ZBTB7C: variants seen among roughly 807,000 people sequenced by gnomAD.
ZBTB7C encodes the protein zinc finger and BTB domain-containing protein 7C.
ZBTB7C carries 8 observed loss-of-function variants against 25.7 expected under a neutral mutation model. The ratio of observed to expected loss-of-function variants is 0.31; its 90% CI spans 0.18 to 0.56. The LOEUF (loss-of-function observed/expected upper bound fraction) is 0.56, where lower values mean the gene tolerates loss of function less well. ZBTB7C is among the 20% of genes least tolerant of loss of function. The probability of loss-of-function intolerance (pLI) is 0.91; values close to 1 mark genes in which losing one functional copy is unlikely to be tolerated. For missense variants in ZBTB7C, 824 were observed against 855.2 expected (o/e 0.96, Z 0.46); for synonymous variants, 394 against 369.0 (o/e 1.07, Z -0.78).
At chr18:48,380,806 CCATACTAATATAAGAT>C (rs2145206246) in intron 1 of ZBTB7C, among the ~76,000 whole-genome samples, 1 of 152,228 alleles carries the variant, frequency 6.6e-6, no homozygotes, top group Admixed American at 6.5e-5. Context: ...GACCGATGTA[CCATACTAATATAAGAT>C]ATTAAGAATA....
chr18:48,401,003 T>A (rs998369373), intron 1 of ZBTB7C, among the ~76,000 whole-genome samples: 1 of 152,120 alleles, frequency 6.6e-6, no homozygotes, highest in Non-Finnish European at 1.5e-5. Flanking sequence ...AGCAGTGACA[T>A]CTGGATTCAG....
intron 1 of ZBTB7C, among the ~76,000 whole-genome samples, chr18:48,349,431 G>C (rs974420922): frequency 3.3e-5 from 5 of 152,162 alleles, no homozygotes; most frequent in African/African-American, 4.8e-5. Context: ...GTTTTAGGGA[G>C]TCCCTATAAT....
In ZBTB7C at chr18:48,133,388, T is replaced by C. The variant is rs371993728; in HGVS notation, c.-17+52546A>G. 4.6e-5 allele frequency among the ~76,000 whole-genome samples: 7 copies of C among 152,352 alleles called. No homozygotes were observed. In the East Asian group the frequency reaches 9.6e-4, roughly 21 times the overall value. On this transcript the variant is annotated intron_variant, in intron 3 of 4. Coordinates refer to ENST00000590800, the MANE Select transcript of ZBTB7C (RefSeq NM_001318841.2). ...GACAGAAGAGAGCAAGCATTTCTAT[T>C]TATCTAAACACAGGATCAAGATGTA...
chr18:48,333,776 G>A (rs759379252), intron 2 of ZBTB7C, among the ~76,000 whole-genome samples: 1 of 152,124 alleles, frequency 6.6e-6, no homozygotes, highest in Non-Finnish European at 1.5e-5. Flanking sequence ...GTCTAGAGAG[G>A]CAGGCAGCAA....
At chr18:48,241,090 T>TA (rs916903017) in intron 2 of ZBTB7C, among the ~76,000 whole-genome samples, 68 of 149,820 alleles carry the variant, frequency 4.5e-4, no homozygotes, top group South Asian at 1.5e-3. Flanking sequence ...CAACAACAAT[T>TA]AAAAAAAAAC....
At chr18:48,213,919 G>A (rs1026571824) in intron 2 of ZBTB7C, among the ~76,000 whole-genome samples, 8 of 152,110 alleles carry the variant, frequency 5.3e-5, no homozygotes, top group South Asian at 2.1e-4. Context: ...AATGGCCTCC[G>A]GTTGCACAGC....
rs150209128 is a variant in ZBTB7C at position 48,391,821 on chromosome 18, C to T, written c.-304+17405G>A. On this transcript the variant is annotated intron_variant, in intron 1 of 4. Transcript: ENST00000590800. Reference sequence around the variant, plus strand: ...ATGCTGGTGTTGTAGCCTAGGGCCTCGCTTGGAGAACTACTGTTCAAGCAC... The same window carrying T: ...ATGCTGGTGTTGTAGCCTAGGGCCTTGCTTGGAGAACTACTGTTCAAGCAC... Among the ~76,000 whole-genome samples the T allele has an allele frequency of 1.3e-3, 193 of 152,296 alleles. 1 individual carries two copies. The highest frequency in any genetic ancestry group is 4.5e-3 in the African/African-American group (188 of 41,568).
At chr18:48,305,461 GA>G (rs1173338499) in intron 2 of ZBTB7C, among the ~76,000 whole-genome samples, 1 of 152,160 alleles carries the variant, frequency 6.6e-6, no homozygotes, top group African/African-American at 2.4e-5. Context: ...GTAGCTTTAT[GA>G]ACAAACTATG....
intron 1 of ZBTB7C, among the ~76,000 whole-genome samples, chr18:48,364,848 G>A (rs569221007): frequency 5.1e-4 from 77 of 152,006 alleles, no homozygotes; most frequent in Non-Finnish European, 8.4e-4. Context: ...GCCTTTTTCC[G>A]TTTAATTATA....
intron 3 of ZBTB7C, among the ~76,000 whole-genome samples, chr18:48,096,508 G>C (rs2038639170): frequency 6.6e-6 from 1 of 152,144 alleles, no homozygotes; most frequent in Non-Finnish European, 1.5e-5. Flanking sequence ...TAATTACCAG[G>C]ATGTGACAAC....
At chr18:48,295,560 G>T (rs884174) in intron 2 of ZBTB7C, among the ~76,000 whole-genome samples, 102,402 of 151,808 alleles carry the variant, frequency 0.67, 35,443 homozygotes, top group African/African-American at 0.83. Context: ...GGCTAAGATT[G>T]TTTTTAGCTG....
intron 2 of ZBTB7C, among the ~76,000 whole-genome samples, chr18:48,260,184 T>G (rs1598724913): frequency 6.6e-6 from 1 of 152,338 alleles, no homozygotes; most frequent in East Asian, 1.9e-4. Flanking sequence ...TACTGATACA[T>G]GCAACAACTT....
At chr18:48,286,897 C>A (rs1039308493) in intron 2 of ZBTB7C, among the ~76,000 whole-genome samples, 1 of 151,944 alleles carries the variant, frequency 6.6e-6, no homozygotes, top group Non-Finnish European at 1.5e-5. Flanking sequence ...ACAAAAAATA[C>A]AAAAATTAGC....
intron 1 of ZBTB7C, among the ~76,000 whole-genome samples, chr18:48,359,706 A>G (rs941173426): frequency 6.6e-6 from 1 of 152,172 alleles, no homozygotes; most frequent in Non-Finnish European, 1.5e-5. Flanking sequence ...CCTTTTGCCC[A>G]AAGAGAGAAG....
intron 1 of ZBTB7C, among the ~76,000 whole-genome samples, chr18:48,406,082 G>T (rs1265048617): frequency 6.6e-6 from 1 of 152,116 alleles, no homozygotes; most frequent in African/African-American, 2.4e-5. Flanking sequence ...TCCCAGGAGG[G>T]GAGGATGGGT....
intron 3 of ZBTB7C, among the ~76,000 whole-genome samples, chr18:48,060,212 C>A (rs768022763): frequency 6.6e-6 from 1 of 152,060 alleles, no homozygotes; most frequent in Non-Finnish European, 1.5e-5. Flanking sequence ...AGCTTTTCTG[C>A]GGAGTTTGTG....
At chr18:48,254,524 T>G (rs1273730987) in intron 2 of ZBTB7C, among the ~76,000 whole-genome samples, 1 of 152,192 alleles carries the variant, frequency 6.6e-6, no homozygotes, top group Admixed American at 6.5e-5. Flanking sequence ...TTTCCCTTTT[T>G]CGGACACCTC....
At chr18:48,048,912 T>C (rs2036578789) in intron 3 of ZBTB7C, among the ~76,000 whole-genome samples, 1 of 152,130 alleles carries the variant, frequency 6.6e-6, no homozygotes, top group African/African-American at 2.4e-5. Flanking sequence ...TTTACGTCCA[T>C]TTTACAGATG....
At chr18:48,316,043 C>T (rs1021706832) in intron 2 of ZBTB7C, among the ~76,000 whole-genome samples, 1 of 152,058 alleles carries the variant, frequency 6.6e-6, no homozygotes, top group African/African-American at 2.4e-5. Context: ...ACAGGCTTCC[C>T]ACTCTCCCAC....
Sources: allele counts gnomAD v4.1 joint callset (sites outside exome capture counted in the v4.1 genomes callset), GRCh38; gene constraint gnomAD v4.1.1; transcripts MANE v1.5; gene names NCBI Gene and HGNC (gene_info 2026-07-23, HGNC 2026-07-21).